Variants in FAN1 observed in about 807,000 individuals in gnomAD.
The protein encoded by FAN1 is fanconi-associated nuclease 1.
A neutral mutation model predicts 104.9 loss-of-function variants in FAN1; 91 were observed. The ratio of observed to expected loss-of-function variants is 0.87; its 90% confidence interval spans 0.73 to 1.03. The LOEUF is 1.03. Ranked by LOEUF, FAN1 falls within the 50% of genes least tolerant of loss-of-function variation. FAN1 has a pLI of 0.00. For missense variants in FAN1, 1,263 were observed against 1,239.9 expected, an observed-to-expected ratio of 1.02 and a Z score of -0.28; for synonymous variants, 478 against 457.6, an observed-to-expected ratio of 1.04 and a Z score of -0.57.
intron 14 of FAN1, chr15:30,940,880 T>TAA (rs938451350): frequency 4.9e-6 from 5 of 1,014,986 alleles, no homozygotes; most frequent in African/African-American, 1.7e-5. Flanking sequence ...CATATCATTT[T>TAA]AAAGTTGACC....
chr15:30,913,525 G>T (rs1275661446), intron 4 of FAN1, among the ~76,000 whole-genome samples: 3 of 152,158 alleles, frequency 2.0e-5, no homozygotes, highest in Admixed American at 6.5e-5. Flanking sequence ...ATAAAAAATT[G>T]AGAATTGCTT....
rs2062529848 is a variant in FAN1 at position 30,928,550 on chromosome 15, T to C, written c.2489-3T>C. ...TGTGTGTGTGTGTGTGACCTTGTCT[T>C]AGGGATTCATGGCGAAGGGTCCACC... On this transcript the variant is annotated splice_polypyrimidine_tract_variant and splice_region_variant and intron_variant, in intron 10 of 14. Coordinates refer to ENST00000362065, the MANE Select transcript of FAN1 (RefSeq NM_014967.5). 1 of 1,499,064 alleles carries C rather than the reference T, an allele frequency of 6.7e-7. No individual in the cohort carries two copies. Among genetic ancestry groups the C allele is most frequent in the South Asian group, 1.1e-5 (1 of 87,430 alleles). 92.9% of individuals were successfully genotyped at this position (1,499,064 alleles called of 1,614,324 possible).
At chr15:30,910,408 C>A (rs573345379) in intron 3 of FAN1, among the ~76,000 whole-genome samples, 1 of 152,066 alleles carries the variant, frequency 6.6e-6, no homozygotes, top group Non-Finnish European at 1.5e-5. Context: ...GTGAGAAATT[C>A]TATTATTTGA....
chr15:30,928,091 G>A (rs2062510639), intron 10 of FAN1: 2 of 1,000,690 alleles, frequency 2.0e-6, no homozygotes, highest in Admixed American at 1.1e-4. Context: ...GGAGGTGGCT[G>A]CTGCCGGCCT....
In FAN1 at chr15:30,927,869, T is replaced by C. The variant is rs1031657421; in HGVS notation, c.2489-684T>C. ...CTCATCCCACACCAGACCCTGCCTC[T>C]GACTCTGTGACCTCAGCACCTGACT... is the stretch of plus-strand genomic sequence containing the variant. On this transcript the variant is annotated intron_variant, in intron 10 of 14. Transcript: ENST00000362065. 3 of 985,594 alleles carry C rather than the reference T, an allele frequency of 3.0e-6. No homozygotes were observed. The African/African-American group carries it at 5.2e-5, about 17-fold the overall frequency. The allele number at this position is 985,594 out of a possible 1,614,324, so 61.1% of individuals were successfully genotyped here. A position where few individuals can be genotyped will look rare whatever the true frequency, so the allele number is the denominator to read the frequency against.
intron 7 of FAN1, 35 bp downstream of exon 7, chr15:30,920,688 G>T (rs746782057): frequency 8.0e-7 from 1 of 1,242,502 alleles, no homozygotes; most frequent in South Asian, 1.3e-5. Flanking sequence ...CACCATTACT[G>T]ATGTGATGGC....
At chr15:30,908,063 T>G in intron 2 of FAN1, 55 bp from the exon 3 acceptor site, 1 of 1,479,396 alleles carries the variant, frequency 6.8e-7, no homozygotes, top group South Asian at 1.4e-5. Flanking sequence ...TTATTCACCT[T>G]AGGTTTAAAA....
At position 30,929,483 on chromosome 15, in the gene FAN1, CAT is replaced by C. The variant is rs200158383; in HGVS notation, c.2787+87_2787+88del. On this transcript the variant is annotated intron_variant, in intron 12 of 14. Transcript: ENST00000362065. The stretch of plus-strand genomic sequence containing the variant: ...TTTTCAGCAACTTTATCAAAATACA[CAT>C]GTGTGTATATGTAAATACATGTATG... The C allele has an allele frequency of 1.7e-3, 1,650 of 963,320 alleles. 8 individuals carry two copies. Among genetic ancestry groups the C allele is most frequent in the African/African-American group, 0.016 (916 of 58,812 alleles). The allele number at this position is 963,320 out of a possible 1,614,324, so 59.7% of individuals were successfully genotyped here. A position where few individuals can be genotyped will look rare whatever the true frequency, so the allele number is the denominator to read the frequency against.
rs1426872332 is a variant in FAN1 at position 30,908,221 on chromosome 15, G to A, written c.1338G>A (p.Val446=). 2 of 1,608,418 alleles carry A rather than the reference G, an allele frequency of 1.2e-6. No homozygotes were observed. Among genetic ancestry groups the A allele is most frequent in the African/African-American group, 2.7e-5 (2 of 74,810 alleles). Residue 446 remains valine, a synonymous_variant, in exon 3 of 15, where the codon GTG becomes GTA. Coordinates refer to ENST00000362065, the MANE Select transcript of FAN1 (RefSeq NM_014967.5). The stretch of plus-strand genomic sequence containing the variant: ...AGATTGCCTTAGACTTAACACCTGT[G>A]ATTGAAGAATTGACGAATGCAGGCT... The part of the protein sequence containing the change: ...YEEIALDLTP[V]IEELTNAGFL...
Position 30,942,820 on chromosome 15 carries a change from C to T in FAN1, c.*1258C>T, listed in dbSNP as rs182788258. 19 of 1,427,456 alleles carry T rather than the reference C, an allele frequency of 1.3e-5. No individual in the cohort carries two copies. Among genetic ancestry groups the T allele is most frequent in the Admixed American group, 2.3e-5 (1 of 42,642 alleles). 88.4% of individuals were successfully genotyped at this position (1,427,456 alleles called of 1,614,324 possible). On this transcript the variant is annotated 3_prime_UTR_variant, in exon 15 of 15. Coordinates refer to ENST00000362065, the MANE Select transcript of FAN1 (RefSeq NM_014967.5). ...CTTGGAAGTGCCTTTACTTTTAACG[C>T]TCTCTGTTCTGAAAAAGAGGTGTTT...
At chr15:30,920,490 G>T in intron 6 of FAN1, 55 bp from the exon 7 acceptor site, 1 of 1,097,484 alleles carries the variant, frequency 9.1e-7, no homozygotes, top group Non-Finnish European at 1.4e-6. Context: ...TGTTATTATT[G>T]TCTTATAATA....
chr15:30,918,358 C>G, intron 6 of FAN1, 63 bp downstream of exon 6: 7 of 1,525,402 alleles, frequency 4.6e-6, no homozygotes, highest in Non-Finnish European at 6.3e-6. Context: ...CCAACACTTA[C>G]AGTAATTTTC....
intron 14 of FAN1, chr15:30,939,697 C>T (rs2140979294): frequency 1.0e-6 from 1 of 967,098 alleles, no homozygotes; most frequent in East Asian, 1.1e-4. Flanking sequence ...GGGAAAAATG[C>T]TCAATCCAAA....
intron 13 of FAN1, among the ~76,000 whole-genome samples, chr15:30,933,371 C>G (rs2062764974): frequency 6.6e-6 from 1 of 152,192 alleles, no homozygotes; most frequent in South Asian, 2.1e-4. Flanking sequence ...TTTGACTCTT[C>G]TTTGATCCTT....
At chr15:30,911,011 T>A in intron 4 of FAN1, 196 bp downstream of exon 4, 1 of 1,281,038 alleles carries the variant, frequency 7.8e-7, no homozygotes, top group African/African-American at 1.5e-5. Flanking sequence ...CGTAATACCG[T>A]ACTAATTTCC....
At chr15:30,941,348 C>T (rs2063045434) in intron 14 of FAN1, 1 of 1,534,708 alleles carries the variant, frequency 6.5e-7, no homozygotes, top group Non-Finnish European at 8.7e-7. Flanking sequence ...AATATTAGTG[C>T]AAATTCCAAC....
intron 14 of FAN1, chr15:30,940,086 A>T: frequency 1.0e-6 from 1 of 983,786 alleles, no homozygotes; most frequent in Non-Finnish European, 1.2e-6. Flanking sequence ...TAAGCTAACT[A>T]GACACTTTAC....
In FAN1 at chr15:30,925,240, C is replaced by A. The variant is rs765013759; in HGVS notation, c.2286C>A (p.Phe762Leu). 2 of 1,613,996 alleles carry A rather than the reference C, an allele frequency of 1.2e-6. No individual in the cohort carries two copies. The highest frequency in any genetic ancestry group is 2.7e-5 in the African/African-American group (2 of 74,902). The change falls in exon 9 of 15, where the codon TTC becomes TTA. Residue 762 changes from phenylalanine to leucine, a missense_variant. Physicochemically the swap from Phe to Leu is conservative, Grantham distance 22 (BLOSUM62 0). Transcript: ENST00000362065. ...RLRESPSCKKFKHLFQQLPEM... is the reference protein window; with the variant it reads ...RLRESPSCKKLKHLFQQLPEM... Reference sequence around the variant, plus strand: ...GAGAGTCTCCGAGCTGTAAAAAGTTCAAGCACCTCTTCCAGCAGCTCCCAG... The same window carrying A: ...GAGAGTCTCCGAGCTGTAAAAAGTTAAAGCACCTCTTCCAGCAGCTCCCAG...
chr15:30,930,799 C>A, intron 13 of FAN1, 128 bp downstream of exon 13: 1 of 1,181,592 alleles, frequency 8.5e-7, no homozygotes, highest in East Asian at 2.4e-5. Flanking sequence ...GGGCCGAGGG[C>A]CTGGGTTCCT....
Sources: gnomAD v4.1 joint callset for allele counts (sites outside exome capture counted in the v4.1 genomes callset) on GRCh38, gnomAD v4.1.1 for gene constraint, MANE v1.5 for transcripts, NCBI Gene and HGNC (gene_info 2026-07-23, HGNC 2026-07-21) for gene names.